CERS3: variants seen among roughly 807,000 people sequenced by gnomAD.
CERS3 encodes the protein LAG1 homolog, ceramide synthase 3.
A neutral mutation model predicts 50.3 loss-of-function variants in CERS3; 33 were observed. The observed-to-expected ratio is 0.66, with a 90% CI of 0.50 to 0.88. The LOEUF (loss-of-function observed/expected upper bound fraction) is 0.88. CERS3 is among the 40% of genes least tolerant of loss of function. CERS3 has a pLI of 0.00. For synonymous variants in CERS3, 176 were observed against 155.2 expected (o/e 1.13, Z -0.99); for missense variants, 470 against 460.3 (o/e 1.02, Z -0.19).
intron 10 of CERS3, among the ~76,000 whole-genome samples, 199 bp from the exon 11 acceptor site, chr15:100,456,245 C>G (rs2034370041): frequency 6.6e-6 from 1 of 152,160 alleles, no homozygotes; most frequent in Non-Finnish European, 1.5e-5. Flanking sequence ...TACAATCTGT[C>G]TTCCTGAAGA....
At chr15:100,491,835 T>C (rs1024156118) in intron 3 of CERS3, among the ~76,000 whole-genome samples, 1 of 152,090 alleles carries the variant, frequency 6.6e-6, no homozygotes. Context: ...TATTTAGAAA[T>C]ATGTTATCTA....
chr15:100,529,390 C>T (rs901955173), upstream of CERS3: 3 of 152,242 alleles, frequency 2.0e-5, no homozygotes, highest in African/African-American at 7.2e-5. Context: ...AATGTGATTT[C>T]TCTGCCCGCT....
chr15:100,456,345 C>T (rs570531278), intron 10 of CERS3, among the ~76,000 whole-genome samples: 1 of 152,172 alleles, frequency 6.6e-6, no homozygotes, highest in Non-Finnish European at 1.5e-5. Flanking sequence ...AAAGCATACA[C>T]TAACCATTTT....
chr15:100,448,596 G>A (rs1319527929), intron 11 of CERS3, among the ~76,000 whole-genome samples: 1 of 152,198 alleles, frequency 6.6e-6, no homozygotes, highest in African/African-American at 2.4e-5. Context: ...AGCAGCTACA[G>A]CACAGTGCCA....
intron 10 of CERS3, among the ~76,000 whole-genome samples, chr15:100,458,026 T>C (rs1008668765): frequency 6.6e-6 from 1 of 152,106 alleles, no homozygotes; most frequent in Non-Finnish European, 1.5e-5. Context: ...ACATTAAAGA[T>C]ATTAAAATTC....
chr15:100,480,060 G>T lies in CERS3; in HGVS notation c.408-14C>A. The T allele has an allele frequency of 1.9e-6, 3 of 1,601,836 alleles. No homozygotes were observed. Among genetic ancestry groups the T allele is most frequent in the South Asian group, 2.2e-5 (2 of 89,092 alleles). ...GCAAATCTCCAGCTGCCAAAAGAAA[G>T]AAAAATCTTTACTCCCTTGTAAAGG... On this transcript the variant is annotated splice_polypyrimidine_tract_variant and intron_variant, in intron 5 of 11. Transcript: ENST00000679737.
intron 11 of CERS3, among the ~76,000 whole-genome samples, chr15:100,411,195 T>G (rs1387690152): frequency 6.6e-6 from 1 of 152,182 alleles, no homozygotes; most frequent in Non-Finnish European, 1.5e-5. Context: ...GCAGTTTCAT[T>G]CTCGTTGCCC....
chr15:100,450,058 C>G (rs2034097567), intron 11 of CERS3, among the ~76,000 whole-genome samples: 2 of 149,956 alleles, frequency 1.3e-5, no homozygotes, highest in Admixed American at 1.3e-4. Flanking sequence ...AAAAAAAGAA[C>G]CAAACAGAAA....
chr15:100,513,355 C>G lies in CERS3; in HGVS notation c.-2+8312G>C, dbSNP rs189556332. On this transcript the variant is annotated intron_variant, in intron 2 of 11. Coordinates refer to ENST00000679737, the MANE Select transcript of CERS3 (RefSeq NM_001378789.1). ...TCCACCTCTGTCTGGAGGCAGCTCC[C>G]TGTCTTCCCTCTCCCTGCACTCTCC... Among the ~76,000 whole-genome samples the G allele has an allele frequency of 5.1e-4, 78 of 152,236 alleles. 2 individuals are homozygous for G. Among genetic ancestry groups the G allele is most frequent in the Admixed American group, 5.0e-3 (77 of 15,294 alleles).
chr15:100,450,347 G>A (rs1436289512), intron 11 of CERS3, among the ~76,000 whole-genome samples: 1 of 148,532 alleles, frequency 6.7e-6, no homozygotes, highest in Non-Finnish European at 1.5e-5. Flanking sequence ...GAACTTGGCA[G>A]GCAGAAGTTG....
chr15:100,430,291 G>A (rs180778702), intron 11 of CERS3, among the ~76,000 whole-genome samples: 13 of 150,754 alleles, frequency 8.6e-5, no homozygotes, highest in Admixed American at 5.3e-4. Flanking sequence ...CAGCCTGGAC[G>A]ACAGAGCGAG....
At chr15:100,463,926 C>G (rs886795118) in intron 10 of CERS3, among the ~76,000 whole-genome samples, 1 of 152,190 alleles carries the variant, frequency 6.6e-6, no homozygotes, top group Non-Finnish European at 1.5e-5. Context: ...TCCCTCATCC[C>G]GGGTCCCCAC....
chr15:100,408,122 C>T (rs11638306), intron 11 of CERS3, among the ~76,000 whole-genome samples: 87,273 of 151,990 alleles, frequency 0.57, 25,286 homozygotes, highest in Non-Finnish European at 0.6. Flanking sequence ...TCCACCCACC[C>T]TGGCCTCCCA....
intron 2 of CERS3, among the ~76,000 whole-genome samples, chr15:100,514,044 C>G (rs900948260): frequency 1.3e-5 from 2 of 152,150 alleles, no homozygotes; most frequent in African/African-American, 4.8e-5. Context: ...GACTTTGGAG[C>G]CAGGCTCCTC....
chr15:100,497,677 T>A (rs2035861985), intron 3 of CERS3, among the ~76,000 whole-genome samples: 1 of 151,948 alleles, frequency 6.6e-6, no homozygotes, highest in African/African-American at 2.4e-5. Context: ...ATGTGAGAAA[T>A]AGCATATGGG....
chr15:100,421,609 AG>A (rs2032433058), intron 11 of CERS3, among the ~76,000 whole-genome samples: 1 of 149,512 alleles, frequency 6.7e-6, no homozygotes, highest in Non-Finnish European at 1.5e-5. Context: ...GAACCAAAAA[AG>A]AGCCCGCATC....
At chr15:100,467,823 G>GTAAATA (rs2034813208) in intron 10 of CERS3, among the ~76,000 whole-genome samples, 1 of 44,040 alleles carries the variant, frequency 2.3e-5, no homozygotes, top group Non-Finnish European at 6.1e-5. Flanking sequence ...ATATATATGT[G>GTAAATA]TATATATATA....
At chr15:100,434,166 A>G (rs371066213) in intron 11 of CERS3, among the ~76,000 whole-genome samples, 2 of 152,330 alleles carry the variant, frequency 1.3e-5, no homozygotes, top group South Asian at 4.1e-4. Context: ...GAAGTATGTC[A>G]GTTGCATGGA....
intron 10 of CERS3, among the ~76,000 whole-genome samples, chr15:100,466,786 TTC>T (rs2034740516): frequency 4.1e-5 from 1 of 24,636 alleles, no homozygotes; most frequent in African/African-American, 9.3e-5. Context: ...CCTTCCTTCC[TTC>T]CTTCCTCCCT....
Sources: allele counts gnomAD v4.1 joint callset (sites outside exome capture counted in the v4.1 genomes callset), GRCh38; gene constraint gnomAD v4.1.1; transcripts MANE v1.5; gene names NCBI Gene and HGNC (gene_info 2026-07-23, HGNC 2026-07-21).